Variants in EIF3A observed in about 807,000 individuals in gnomAD.
The protein encoded by EIF3A is eukaryotic translation initiation factor 3 subunit A, also known as EIF3, p180 subunit.
EIF3A carries 21 observed loss-of-function variants against 186.6 expected under a neutral mutation model. The ratio of observed to expected loss-of-function variants is 0.11; its 90% CI spans 0.08 to 0.16. The LOEUF (loss-of-function observed/expected upper bound fraction) is 0.16, where lower values mean the gene tolerates loss of function less well. Ranked by LOEUF, EIF3A falls within the 10% of genes least tolerant of loss-of-function variation. The probability of loss-of-function intolerance (pLI) is 1.00; values close to 1 mark genes in which losing one functional copy is unlikely to be tolerated. For synonymous variants in EIF3A, 563 were observed against 584.3 expected, an observed-to-expected ratio of 0.96 and a Z score of 0.52; for missense variants, 1,306 against 1,796.3, an observed-to-expected ratio of 0.73 and a Z score of 4.93.
intron 18 of EIF3A, among the ~76,000 whole-genome samples, chr10:119,043,501 C>T (rs578065807): frequency 2.0e-5 from 3 of 152,142 alleles, no homozygotes; most frequent in East Asian, 3.9e-4. Flanking sequence ...GTGGTCCCAG[C>T]TACTCAGGAG....
At chr10:119,075,621 A>AAAAAAG (rs5788327) in intron 1 of EIF3A, among the ~76,000 whole-genome samples, 1 of 111,740 alleles carries the variant, frequency 8.9e-6, no homozygotes, top group Admixed American at 1.1e-4. Flanking sequence ...AAAAAAAAAA[A>AAAAAAG]GGGGGGGAGC....
chr10:119,060,056 G>T (rs954206884), intron 9 of EIF3A: 5 of 518,610 alleles, frequency 9.6e-6, no homozygotes, highest in Admixed American at 4.1e-5. Flanking sequence ...TAGTTATACT[G>T]CTAATTAGCC....
chr10:119,077,396 G>A (rs914253784), intron 1 of EIF3A, among the ~76,000 whole-genome samples: 3 of 151,040 alleles, frequency 2.0e-5, no homozygotes, highest in East Asian at 4.0e-4. Flanking sequence ...GGTTGCAGTG[G>A]GCCGAGATAG....
intron 14 of EIF3A, among the ~76,000 whole-genome samples, chr10:119,056,124 G>A (rs897221933): frequency 1.3e-5 from 2 of 152,120 alleles, no homozygotes; most frequent in African/African-American, 4.8e-5. Context: ...TTTTAAAGTA[G>A]ATCTGCTTAC....
At chr10:119,069,122 C>G (rs764132184) in intron 6 of EIF3A, among the ~76,000 whole-genome samples, 2 of 152,142 alleles carry the variant, frequency 1.3e-5, no homozygotes, top group Non-Finnish European at 2.9e-5. Context: ...GGGCTTTTAG[C>G]GGAGTTACTT....
At chr10:119,043,658 G>A (rs1848245127) in intron 18 of EIF3A, among the ~76,000 whole-genome samples, 1 of 151,736 alleles carries the variant, frequency 6.6e-6, no homozygotes, top group Non-Finnish European at 1.5e-5. Context: ...AGTGGCTCAT[G>A]CCTGTCATCC....
chr10:119,061,774 G>C (rs766461744), intron 7 of EIF3A, among the ~76,000 whole-genome samples: 1 of 152,118 alleles, frequency 6.6e-6, no homozygotes, highest in Non-Finnish European at 1.5e-5. Context: ...AAACAAAAAT[G>C]CTCAAAAAAG....
chr10:119,063,279 CA>C (rs1229925172), intron 7 of EIF3A, among the ~76,000 whole-genome samples: 7 of 151,948 alleles, frequency 4.6e-5, no homozygotes, highest in Non-Finnish European at 1.0e-4. Context: ...TGGAGGAATA[CA>C]AAGTAGAAAA....
At chr10:119,056,890 C>T (rs755490308) in intron 13 of EIF3A, 37 bp from the exon 14 acceptor site, 1 of 1,592,506 alleles carries the variant, frequency 6.3e-7, no homozygotes, top group Non-Finnish European at 8.6e-7. Flanking sequence ...TTTAAAAAAT[C>T]TCTCTTAACT....
chr10:119,042,348 A>C lies in EIF3A; in HGVS notation c.3172T>G (p.Ser1058Ala). Residue 1058 changes from serine to alanine, a missense_variant, in exon 19 of 22, where the codon TCA (serine) becomes GCA (alanine). Ser to Ala is a moderately conservative substitution (Grantham distance 99). Transcript: ENST00000369144. The surrounding 1 kb of genome is among the most constrained non-coding windows in gnomAD (Gnocchi z 7.8). ...TCATCATCAGCATTACGCCAGGATG[A>C]TCGCTCATCATCAGCGCCTCCTCGC... ...PRRGGADDER[S>A]SWRNADDDRG... is the part of the protein sequence containing the mutation. 1 of 1,611,504 alleles carries C rather than the reference A, an allele frequency of 6.2e-7. No individual in the cohort carries two copies. The highest frequency in any genetic ancestry group is 8.5e-7 in the Non-Finnish European group (1 of 1,179,392).
At position 119,038,318 on chromosome 10, in the gene EIF3A, C is replaced by A; in HGVS notation, c.3648G>T (p.Arg1216=). ...EKERDRDNQD[R]EENDKDPERE... ...TCTCAGGGTCCTTGTCATTCTCCTC[C>A]CGATCTTGATTATCTCTGTCCCTTT... Residue 1216 remains arginine, a synonymous_variant, in exon 20 of 22, where the codon CGG becomes CGT. Coordinates refer to ENST00000369144, the MANE Select transcript of EIF3A (RefSeq NM_003750.4). The A allele has an allele frequency of 6.2e-7, 1 of 1,614,080 alleles. No individual in the cohort carries two copies. The highest frequency in any genetic ancestry group is 8.5e-7 in the Non-Finnish European group (1 of 1,179,992).
chr10:119,058,582 C>G lies in EIF3A; in HGVS notation c.1630-279G>C, dbSNP rs75437773. Among the ~76,000 whole-genome samples the G allele has an allele frequency of 1.8e-4, 27 of 152,312 alleles. No homozygotes were observed. The East Asian group carries it at 5.0e-3, about 28-fold the overall frequency. ...ACCTTAGGTGTTCATTAACAGAGCT[C>G]ACATACAAGAAATAACTTGTTACAG... On this transcript the variant is annotated intron_variant, in intron 11 of 21. Transcript: ENST00000369144.
intron 5 of EIF3A, 38 bp downstream of exon 5, chr10:119,070,846 CTA>C: frequency 7.8e-6 from 11 of 1,404,032 alleles, no homozygotes; most frequent in Non-Finnish European, 1.1e-5. Flanking sequence ...GTAACACAGA[CTA>C]TTATTTCTAG....
intron 4 of EIF3A, among the ~76,000 whole-genome samples, chr10:119,071,761 C>T (rs1014719438): frequency 6.6e-6 from 1 of 152,152 alleles, no homozygotes; most frequent in African/African-American, 2.4e-5. Context: ...CGCGATGGCT[C>T]ACGCCTGTAA....
Position 119,037,072 on chromosome 10 carries a change from C to A in EIF3A, c.3919+47G>T, listed in dbSNP as rs201912410. The A allele has an allele frequency of 2.5e-4, 159 of 639,964 alleles. 3 individuals are homozygous for A. Among genetic ancestry groups the A allele is most frequent in the African/African-American group, 7.2e-4 (38 of 52,860 alleles). The allele number at this position is 639,964 out of a possible 1,614,324, so 39.6% of individuals were successfully genotyped here. On this transcript the variant is annotated intron_variant, in intron 21 of 21. Coordinates refer to ENST00000369144, the MANE Select transcript of EIF3A (RefSeq NM_003750.4). Reference sequence around the variant, plus strand: ...TAAATAACCCAAATCCCCCCCCCCCCAGAAACGACAGTTCTCCAATACTTC... The same window carrying A: ...TAAATAACCCAAATCCCCCCCCCCCAAGAAACGACAGTTCTCCAATACTTC...
chr10:119,046,099 C>T (rs1225748844), intron 17 of EIF3A, among the ~76,000 whole-genome samples: 1 of 152,044 alleles, frequency 6.6e-6, no homozygotes, highest in Non-Finnish European at 1.5e-5. Flanking sequence ...GGGCAAAAGG[C>T]CAAAAAGAAA....
At chr10:119,053,448 A>AC (rs977786876) in intron 14 of EIF3A, among the ~76,000 whole-genome samples, 1 of 149,766 alleles carries the variant, frequency 6.7e-6, no homozygotes, top group Non-Finnish European at 1.5e-5. Context: ...ACCATGGCTC[A>AC]CCCCTGTAAT....
In EIF3A at chr10:119,053,459, C is replaced by A. The variant is rs796192007; in HGVS notation, c.2197-2138G>T. ...GGGCACCATGGCTCACCCCTGTAAT[C>A]CCAACACTTTGTGAGGCTGAAGCAG... is the stretch of plus-strand genomic sequence containing the variant. On this transcript the variant is annotated intron_variant, in intron 14 of 21. Coordinates refer to ENST00000369144, the MANE Select transcript of EIF3A (RefSeq NM_003750.4). Among the ~76,000 whole-genome samples, 8 of 151,080 alleles carry A rather than the reference C, an allele frequency of 5.3e-5. No homozygotes were observed. In the East Asian group the frequency reaches 9.8e-4, roughly 18 times the overall value.
intron 18 of EIF3A, among the ~76,000 whole-genome samples, chr10:119,043,145 G>A (rs1021801887): frequency 2.0e-5 from 3 of 151,954 alleles, no homozygotes; most frequent in Non-Finnish European, 4.4e-5. Flanking sequence ...TTCACCAGGC[G>A]TAGTGGCCCA....
Sources: allele counts gnomAD v4.1 joint callset (sites outside exome capture counted in the v4.1 genomes callset), GRCh38; gene constraint gnomAD v4.1.1; non-coding constraint Gnocchi (gnomAD v3.1); transcripts MANE v1.5; gene names NCBI Gene and HGNC (gene_info 2026-07-23, HGNC 2026-07-21).